Variants in LRP2BP observed in about 807,000 individuals in gnomAD.
LRP2BP encodes LRP2 binding protein.
In LRP2BP, 38 loss-of-function variants were observed where a neutral mutation model predicts 45.2. The observed-to-expected ratio is 0.84, with a 90% CI of 0.65 to 1.10. The LOEUF (loss-of-function observed/expected upper bound fraction) is 1.10, where lower values mean the gene tolerates loss of function less well. Ranked by LOEUF, LRP2BP falls within the 50% of genes least tolerant of loss-of-function variation. The pLI is 0.00. For missense variants in LRP2BP, 385 were observed against 418.9 expected (o/e 0.92, Z 0.71); for synonymous variants, 153 against 153.9 (o/e 0.99, Z 0.04).
chr4:185,378,692 T>A (rs2095446369), intron 1 of LRP2BP: 1 of 986,586 alleles, frequency 1.0e-6, no homozygotes, highest in Admixed American at 6.1e-5. Context: ...TCTTCCTGTC[T>A]GTATTGGATT....
rs544208340 is a variant in LRP2BP, at chr4:185,370,912, T to G, written c.804-98A>C. 8.5e-4 allele frequency: 1,089 copies of G among 1,280,200 alleles called. 8 individuals carry two copies. The highest frequency in any genetic ancestry group is 9.1e-5 in the Non-Finnish European group (82 of 896,984). 79.3% of individuals were successfully genotyped at this position (1,280,200 alleles called of 1,614,324 possible). On this transcript the variant is annotated intron_variant, in intron 7 of 8. Coordinates refer to ENST00000505916, the MANE Select transcript of LRP2BP (RefSeq NM_001377440.1). ...AGACTGTCCTTGTGCCTGAAGTGAT[T>G]TCTCTCTACTGCTTTGAGAACTAAG...
intron 8 of LRP2BP, among the ~76,000 whole-genome samples, chr4:185,368,847 G>A (rs1184235547): frequency 6.7e-6 from 1 of 149,126 alleles, no homozygotes; most frequent in Non-Finnish European, 1.5e-5. Flanking sequence ...AGGCTGGAGT[G>A]CAGCGGCACA....
intron 6 of LRP2BP, among the ~76,000 whole-genome samples, chr4:185,373,455 G>C (rs936663957): frequency 2.6e-5 from 4 of 152,206 alleles, no homozygotes; most frequent in African/African-American, 9.7e-5. Flanking sequence ...CTAAGGGAGA[G>C]TTCGAGCTCC....
chr4:185,371,367 G>A (rs563665380), intron 7 of LRP2BP, among the ~76,000 whole-genome samples: 162 of 151,768 alleles, frequency 1.1e-3, no homozygotes, highest in Admixed American at 2.9e-3. Context: ...GTGAAACCCC[G>A]TCTCTACTAA....
intron 1 of LRP2BP, among the ~76,000 whole-genome samples, chr4:185,392,741 T>A (rs2095491518): frequency 6.6e-6 from 1 of 152,212 alleles, no homozygotes; most frequent in African/African-American, 2.4e-5. Flanking sequence ...ATATCATTAT[T>A]AATTAAAATA....
chr4:185,382,529 A>G (rs183862146), intron 1 of LRP2BP, among the ~76,000 whole-genome samples: 73 of 152,296 alleles, frequency 4.8e-4, no homozygotes, highest in Middle Eastern at 3.4e-3. Flanking sequence ...GTTGTTGCCT[A>G]TCTTTATTAT....
chr4:185,367,106 A>G lies in LRP2BP; in HGVS notation c.*74T>C, dbSNP rs75142124. The G allele has an allele frequency of 2.9e-3, 3,742 of 1,279,450 alleles. 84 individuals are homozygous for G. In the African/African-American group the frequency reaches 0.05, roughly 17 times the overall value. 79.3% of individuals were successfully genotyped at this position (1,279,450 alleles called of 1,614,324 possible). ...GTAATTTGTGATGTGCAAAATAACC[A>G]AACATAGCTACTGTAAAAATACACA... On this transcript the variant is annotated 3_prime_UTR_variant, in exon 9 of 9. Coordinates refer to ENST00000505916, the MANE Select transcript of LRP2BP (RefSeq NM_001377440.1).
At chr4:185,370,911 TTTCTCTC>T in intron 7 of LRP2BP, 97 bp from the exon 8 acceptor site, 3 of 1,314,184 alleles carry the variant, frequency 2.3e-6, no homozygotes. Flanking sequence ...CCTGAAGTGA[TTTCTCTC>T]TACTGCTTTG....
chr4:185,367,117 C>T lies in LRP2BP; in HGVS notation c.*63G>A. 1 of 1,350,406 alleles carries T rather than the reference C, an allele frequency of 7.4e-7. No homozygotes were observed. Among genetic ancestry groups the T allele is most frequent in the Non-Finnish European group, 1.1e-6 (1 of 951,698 alleles). 83.7% of individuals were successfully genotyped at this position (1,350,406 alleles called of 1,614,324 possible). On this transcript the variant is annotated 3_prime_UTR_variant, in exon 9 of 9. Transcript: ENST00000505916. ...TGTGCAAAATAACCAAACATAGCTA[C>T]TGTAAAAATACACACATTGTGAGGT...
intron 2 of LRP2BP, 103 bp from the exon 3 acceptor site, chr4:185,377,121 G>T: frequency 1.2e-6 from 1 of 816,028 alleles, no homozygotes; most frequent in Non-Finnish European, 2.0e-6. Context: ...TGACATTCTT[G>T]CTTTCTAGTG....
chr4:185,370,660 C>T lies in LRP2BP; in HGVS notation c.958G>A (p.Ala320Thr), dbSNP rs376641153. 7.8e-5 allele frequency: 126 copies of T among 1,613,900 alleles called. No homozygotes were observed. In the East Asian group the frequency reaches 8.2e-4, roughly 11 times the overall value. Reference protein sequence around the residue: ...GLGITRDETTAKHYYSKACRL... With the variant: ...GLGITRDETTTKHYYSKACRL... ...CTTACTTTAGAATAATAGTGTTTAG[C>T]GGTTGTTTCATCCCTGGTGATGCCC... Residue 320 changes from alanine (A) to threonine (T), a missense_variant, in exon 8 of 9, where the codon GCT (alanine) becomes ACT (threonine). Transcript: ENST00000505916.
rs1360700672 is a variant in LRP2BP, at chr4:185,395,832, AG to A, written c.-1076del. Reference sequence around the variant, plus strand: ...CCGAGCTTTCAAAGGCATCAACAGAAGGGAATCACTAAAAATGTAGGGGAAA... The same window carrying A: ...CCGAGCTTTCAAAGGCATCAACAGAAGGAATCACTAAAAATGTAGGGGAAA... On this transcript the variant is annotated 5_prime_UTR_variant, in exon 1 of 9. Coordinates refer to ENST00000505916, the MANE Select transcript of LRP2BP (RefSeq NM_001377440.1). The A allele has an allele frequency of 1.0e-6, 1 of 985,466 alleles. No individual in the cohort carries two copies. The highest frequency in any genetic ancestry group is 1.1e-4 in the East Asian group (1 of 8,810). 61.0% of individuals were successfully genotyped at this position (985,466 alleles called of 1,614,324 possible).
At chr4:185,394,621 G>T (rs1380791345) in intron 1 of LRP2BP, among the ~76,000 whole-genome samples, 158 bp downstream of exon 1, 1 of 152,172 alleles carries the variant, frequency 6.6e-6, no homozygotes, top group Admixed American at 6.5e-5. Context: ...AGCTGCATGT[G>T]TATCACACAC....
In LRP2BP at chr4:185,394,130, T is replaced by C. The variant is rs138565230; in HGVS notation, c.-22+649A>G. On this transcript the variant is annotated intron_variant, in intron 1 of 8. Transcript: ENST00000505916. ...AAAATTAGCTGGGTGTGGTGGCGTATAGCTGTAAGCCCAGCTACTTGGGTG... is the reference window on the plus strand; with the variant it reads ...AAAATTAGCTGGGTGTGGTGGCGTACAGCTGTAAGCCCAGCTACTTGGGTG... Among the ~76,000 whole-genome samples, 702 of 152,160 alleles carry C rather than the reference T, an allele frequency of 4.6e-3. 6 individuals are homozygous for C. Among genetic ancestry groups the C allele is most frequent in the African/African-American group, 0.015 (642 of 41,508 alleles).
chr4:185,372,939 G>T lies in LRP2BP; in HGVS notation c.720C>A (p.Arg240=). The T allele has an allele frequency of 6.2e-7, 1 of 1,613,826 alleles. No individual in the cohort carries two copies. The highest frequency in any genetic ancestry group is 8.5e-7 in the Non-Finnish European group (1 of 1,179,792). The change falls in exon 7 of 9, where the codon CGC becomes CGA. Residue 240 remains arginine (R), a synonymous_variant. Coordinates refer to ENST00000505916, the MANE Select transcript of LRP2BP (RefSeq NM_001377440.1). ...GATTCCCTTGAGCATAGACGTTTCC[G>T]CGTTCTGCTGCTTCTCTTAAGCACT... The part of the protein sequence containing the change: ...ALQCLREAAE[R]GNVYAQGNLV...
At chr4:185,389,620 TA>T (rs11326841) in intron 1 of LRP2BP, among the ~76,000 whole-genome samples, 151,720 of 152,154 alleles carry the variant, frequency 1, 75,645 homozygotes, top group South Asian at 1. Flanking sequence ...TGACCTTCAC[TA>T]AAAAAAAACA....
At chr4:185,373,175 G>A (rs904186467) in intron 6 of LRP2BP, 96 bp from the exon 7 acceptor site, 34 of 1,114,114 alleles carry the variant, frequency 3.1e-5, no homozygotes, top group Middle Eastern at 2.2e-4. Context: ...TTCCTAGATA[G>A]CACTATTAAT....
At chr4:185,370,528 A>G in intron 8 of LRP2BP, 112 bp downstream of exon 8, 1 of 1,065,096 alleles carries the variant, frequency 9.4e-7, no homozygotes, top group Non-Finnish European at 1.4e-6. Flanking sequence ...GACAGAGGTT[A>G]TCTGCACAGT....
intron 1 of LRP2BP, among the ~76,000 whole-genome samples, chr4:185,385,887 C>T (rs1021365208): frequency 8.1e-6 from 1 of 123,760 alleles, no homozygotes; most frequent in African/African-American, 3.4e-5. Flanking sequence ...GGTGACAGAG[C>T]AAGACTCTGT....
Sources: gnomAD v4.1 joint callset for allele counts (sites outside exome capture counted in the v4.1 genomes callset) on GRCh38, gnomAD v4.1.1 for gene constraint, MANE v1.5 for transcripts, NCBI Gene and HGNC (gene_info 2026-07-23, HGNC 2026-07-21) for gene names.